The following ZNF557 variants were observed in gnomAD, a reference collection of about 807,000 sequenced individuals.
ZNF557 encodes the protein CTB-25J19.9.
In ZNF557, 19 loss-of-function variants were observed where a neutral mutation model predicts 21.2. The observed-to-expected ratio is 0.90, with a 90% CI of 0.63 to 1.32. The LOEUF (loss-of-function observed/expected upper bound fraction) is 1.32. Among genes scored for constraint, ZNF557 ranks in the 40% most tolerant of loss-of-function variants. The pLI is 0.00. For synonymous variants in ZNF557, 207 were observed against 194.8 expected, an observed-to-expected ratio of 1.06 and a Z score of -0.52; for missense variants, 487 against 519.8, an observed-to-expected ratio of 0.94 and a Z score of 0.61.
At chr19:7,077,232 T>C (rs1463444493) in intron 5 of ZNF557, among the ~76,000 whole-genome samples, 1 of 135,914 alleles carries the variant, frequency 7.4e-6, no homozygotes, top group East Asian at 2.2e-4. Flanking sequence ...ACCTTCCAGG[T>C]TCAATCTGTT....
At chr19:7,077,264 C>G (rs984620995) in intron 5 of ZNF557, among the ~76,000 whole-genome samples, 4 of 149,680 alleles carry the variant, frequency 2.7e-5, no homozygotes, top group African/African-American at 9.8e-5. Flanking sequence ...GCCTCCTCAA[C>G]AGCTGGGACT....
rs373741091 is a variant in ZNF557, at chr19:7,083,261, T to C, written c.810T>C (p.Phe270=). 1 of 1,614,252 alleles carries C rather than the reference T, an allele frequency of 6.2e-7. No individual in the cohort carries two copies. The highest frequency in any genetic ancestry group is 8.5e-7 in the Non-Finnish European group (1 of 1,180,040). ...AACCGTACAAATGTAACCAGTGTTT[T>C]CGTGAGTTCCGCACTCAGTCAATCT... ...GEKPYKCNQC[F]REFRTQSIFT... The change falls in exon 8 of 8, where the codon TTT becomes TTC. Residue 270 remains phenylalanine, a synonymous_variant. Coordinates refer to ENST00000252840, the MANE Select transcript of ZNF557 (RefSeq NM_024341.3).
Position 7,085,910 on chromosome 19 carries a change from C to T in ZNF557, c.*2166C>T, listed in dbSNP as rs1005555079. The stretch of plus-strand genomic sequence containing the variant: ...TCAGAAAGGTATTTCCAAACAGCTC[C>T]TGAGTGATCTAGTTTGTTATAATAG... On this transcript the variant is annotated 3_prime_UTR_variant, in exon 8 of 8. Coordinates refer to ENST00000252840, the MANE Select transcript of ZNF557 (RefSeq NM_024341.3). The T allele has an allele frequency of 1.3e-5, 2 of 152,002 alleles. No individual in the cohort carries two copies. Among genetic ancestry groups the T allele is most frequent in the Non-Finnish European group, 2.9e-5 (2 of 68,024 alleles). The allele number at this position is 152,002 out of a possible 1,614,324, so 9.4% of individuals were successfully genotyped here.
chr19:7,072,891 G>A (rs938442470), intron 2 of ZNF557, among the ~76,000 whole-genome samples: 3 of 152,146 alleles, frequency 2.0e-5, no homozygotes, highest in African/African-American at 7.2e-5. Flanking sequence ...GCTGGGGGCA[G>A]GTATCAATAA....
At chr19:7,078,122 A>G (rs1977623314) in intron 5 of ZNF557, among the ~76,000 whole-genome samples, 1 of 152,044 alleles carries the variant, frequency 6.6e-6, no homozygotes, top group Non-Finnish European at 1.5e-5. Flanking sequence ...ATCTTGAATG[A>G]TAGTTTTGCA....
At chr19:7,078,873 C>T (rs963637522) in intron 5 of ZNF557, among the ~76,000 whole-genome samples, 5 of 151,996 alleles carry the variant, frequency 3.3e-5, no homozygotes, top group African/African-American at 1.2e-4. Flanking sequence ...AATTTCTGCT[C>T]TACAGATCAG....
Position 7,082,929 on chromosome 19 carries a change from G to A in ZNF557, c.478G>A (p.Val160Ile), listed in dbSNP as rs1977742881. Residue 160 changes from valine to isoleucine, a missense_variant, in exon 8 of 8, where the codon GTC (valine) becomes ATC (isoleucine). Coordinates refer to ENST00000252840, the MANE Select transcript of ZNF557 (RefSeq NM_024341.3). Reference protein sequence around the residue: ...TLNECNQCFKVFSTKSSLTRH... With the variant: ...TLNECNQCFKIFSTKSSLTRH... ...CAACGAATGTAATCAGTGTTTTAAAGTCTTCAGCACAAAATCTTCCCTTAC... is the reference window on the plus strand; with the variant it reads ...CAACGAATGTAATCAGTGTTTTAAAATCTTCAGCACAAAATCTTCCCTTAC... 1.9e-6 allele frequency: 3 copies of A among 1,611,154 alleles called. No individual in the cohort carries two copies. In the African/African-American group the frequency reaches 4.0e-5, roughly 22 times the overall value.
Position 7,075,096 on chromosome 19 carries a change from C to T in ZNF557, c.22C>T (p.Pro8Ser), listed in dbSNP as rs746659003. Residue 8 changes from proline (P) to serine (S), a missense_variant, in exon 3 of 8, where the codon CCA becomes TCA. Physicochemically the swap from Pro to Ser is moderately conservative, Grantham distance 74. Transcript: ENST00000252840. MAAVVLP[P>S]TAALSSLFPA... ...CAGGATGGCGGCTGTCGTCCTGCCC[C>T]CAACTGCCGGTGAGTCATGGGGTCC... 7.4e-6 allele frequency: 12 copies of T among 1,614,104 alleles called. No individual in the cohort carries two copies. The highest frequency in any genetic ancestry group is 1.0e-5 in the Non-Finnish European group (12 of 1,180,000).
intron 2 of ZNF557, among the ~76,000 whole-genome samples, chr19:7,074,582 C>G (rs1024842776): frequency 5.3e-5 from 8 of 150,382 alleles, no homozygotes; most frequent in African/African-American, 2.0e-4. Context: ...CCTAGGGTCT[C>G]TGATAGAAAA....
intron 2 of ZNF557, among the ~76,000 whole-genome samples, chr19:7,071,155 C>G (rs1160795467): frequency 2.0e-5 from 3 of 152,110 alleles, no homozygotes; most frequent in Non-Finnish European, 4.4e-5. Context: ...TCAGTAAATA[C>G]AGCTATATGC....
At chr19:7,071,415 A>T (rs1444029144) in intron 2 of ZNF557, among the ~76,000 whole-genome samples, 1 of 152,220 alleles carries the variant, frequency 6.6e-6, no homozygotes, top group Non-Finnish European at 1.5e-5. Flanking sequence ...TGACAGCGAC[A>T]TGTGGTTAAT....
chr19:7,082,494 G>A lies in ZNF557; in HGVS notation c.427-384G>A, dbSNP rs1275175288. Among the ~76,000 whole-genome samples, 5 of 149,564 alleles carry A rather than the reference G, an allele frequency of 3.3e-5. No individual in the cohort carries two copies. In the East Asian group the frequency reaches 7.9e-4, roughly 24 times the overall value. ...AAGTGTCATTTTTTTCAAAGATAAA[G>A]TAGTACCTCTGGAGAGATACTGTGA... On this transcript the variant is annotated intron_variant, in intron 7 of 7. Coordinates refer to ENST00000252840, the MANE Select transcript of ZNF557 (RefSeq NM_024341.3).
chr19:7,076,283 A>G lies in ZNF557; in HGVS notation c.121-98A>G, dbSNP rs1977585939. 5.0e-6 allele frequency: 8 copies of G among 1,612,356 alleles called. No homozygotes were observed. The South Asian group carries it at 8.8e-5, about 18-fold the overall frequency. On this transcript the variant is annotated intron_variant, in intron 4 of 7. Transcript: ENST00000252840. The stretch of plus-strand genomic sequence containing the variant: ...CAGAATCCCCCCACATCTCGTGCTC[A>G]GGTTTCCCCAGCCCTGGCTCTGTTC...
In ZNF557 at chr19:7,086,880, T is replaced by G. The variant is rs951498496; in HGVS notation, c.*3136T>G. ...GTCTCTACTAAAAAAAATACAAAAA[T>G]TAGCTGGGCGTGATGACAGGTGCCT... On this transcript the variant is annotated 3_prime_UTR_variant, in exon 8 of 8. Transcript: ENST00000252840. 3 of 151,554 alleles carry G rather than the reference T, an allele frequency of 2.0e-5. No homozygotes were observed. The highest frequency in any genetic ancestry group is 7.3e-5 in the African/African-American group (3 of 41,266). 9.4% of individuals were successfully genotyped at this position (151,554 alleles called of 1,614,324 possible). A position where few individuals can be genotyped will look rare whatever the true frequency, so the allele number is the denominator to read the frequency against.
At chr19:7,072,413 A>C (rs1977479906) in intron 2 of ZNF557, among the ~76,000 whole-genome samples, 1 of 152,214 alleles carries the variant, frequency 6.6e-6, no homozygotes, top group Non-Finnish European at 1.5e-5. Flanking sequence ...TGACAGAGCA[A>C]GACTGTCTCA....
chr19:7,073,450 C>T (rs574362058), intron 2 of ZNF557, among the ~76,000 whole-genome samples: 1 of 152,186 alleles, frequency 6.6e-6, no homozygotes, highest in Non-Finnish European at 1.5e-5. Context: ...GCCACTGTGC[C>T]TGGCTATAAT....
rs777547663 is a variant in ZNF557 at position 7,082,894 on chromosome 19, G to A, written c.443G>A (p.Gly148Glu). The stretch of plus-strand genomic sequence containing the variant: ...AATCAATAGGAGAGGAATCATCTTG[G>A]AGCAACACTCAACGAATGTAATCAG... ...RNMKMERNHLGATLNECNQCF... is the reference protein window; with the variant it reads ...RNMKMERNHLEATLNECNQCF... The change falls in exon 8 of 8, where the codon GGA becomes GAA. Residue 148 changes from glycine (G) to glutamate (E), a missense_variant. By Grantham distance (98) the Gly-to-Glu change is moderately conservative. Coordinates refer to ENST00000252840, the MANE Select transcript of ZNF557 (RefSeq NM_024341.3). 3.1e-6 allele frequency: 5 copies of A among 1,587,810 alleles called. No individual in the cohort carries two copies. Among genetic ancestry groups the A allele is most frequent in the Non-Finnish European group, 4.3e-6 (5 of 1,165,666 alleles).
chr19:7,074,445 C>T (rs1977532105), intron 2 of ZNF557, among the ~76,000 whole-genome samples: 1 of 151,356 alleles, frequency 6.6e-6, no homozygotes, highest in Admixed American at 6.6e-5. Flanking sequence ...CGATAATAAC[C>T]TCTATTGATA....
chr19:7,074,373 A>G (rs1334521391), intron 2 of ZNF557, among the ~76,000 whole-genome samples: 1 of 141,894 alleles, frequency 7.0e-6, no homozygotes, highest in Non-Finnish European at 1.6e-5. Flanking sequence ...TTCTTTTCTC[A>G]TAAAAAAGGA....
Sources: gnomAD v4.1 joint callset for allele counts (sites outside exome capture counted in the v4.1 genomes callset) on GRCh38, gnomAD v4.1.1 for gene constraint, MANE v1.5 for transcripts, NCBI Gene and HGNC (gene_info 2026-07-23, HGNC 2026-07-21) for gene names.